SAMHD1: variants seen among roughly 807,000 people sequenced by gnomAD.
SAMHD1 encodes SAM and HD domain containing deoxynucleoside triphosphate triphosphohydrolase 1.
SAMHD1 carries 54 observed loss-of-function variants against 79.6 expected under a neutral mutation model. The ratio of observed to expected loss-of-function variants is 0.68; its 90% confidence interval spans 0.55 to 0.85. SAMHD1 has a LOEUF of 0.85. SAMHD1 is among the 40% of genes least tolerant of loss of function. The pLI, the probability that SAMHD1 is intolerant of heterozygous loss-of-function variation, is 0.00. For synonymous variants in SAMHD1, 260 were observed against 264.1 expected (o/e 0.98, Z 0.15); for missense variants, 663 against 782.7 (o/e 0.85, Z 1.82).
chr20:36,898,710 G>A (rs1379625026), intron 13 of SAMHD1, among the ~76,000 whole-genome samples, 166 bp from the exon 14 acceptor site: 3 of 151,876 alleles, frequency 2.0e-5, no homozygotes, highest in African/African-American at 7.3e-5. Flanking sequence ...TCAGGAGTTC[G>A]AGACCAGCCT....
At chr20:36,921,689 A>G (rs7271200) in intron 6 of SAMHD1, among the ~76,000 whole-genome samples, 10,566 of 149,310 alleles carry the variant, frequency 0.071, 434 homozygotes, top group South Asian at 0.087. Flanking sequence ...ACACCCAGCT[A>G]ATTTTTTGTG....
At position 36,890,774 on chromosome 20, in the gene SAMHD1, GC is replaced by G. The variant is rs1291527213; in HGVS notation, c.*2157del. 1 of 152,128 alleles carries G rather than the reference GC, an allele frequency of 6.6e-6. No individual in the cohort carries two copies. Among genetic ancestry groups the G allele is most frequent in the Admixed American group, 6.6e-5 (1 of 15,260 alleles). The allele number at this position is 152,128 out of a possible 1,614,324, so 9.4% of individuals were successfully genotyped here. On this transcript the variant is annotated 3_prime_UTR_variant, in exon 16 of 16. Transcript: ENST00000646673. ...ATTACAGGCATGACCACCTCGCCTG[GC>G]CAAGAAAAATGTAACCTTGTAAATA...
chr20:36,934,259 C>T (rs920239366), intron 4 of SAMHD1, among the ~76,000 whole-genome samples: 44 of 151,696 alleles, frequency 2.9e-4, no homozygotes, highest in Non-Finnish European at 4.4e-5. Context: ...GGCACAGTGG[C>T]TCATACCTGT....
At chr20:36,947,308 G>GA in intron 1 of SAMHD1, among the ~76,000 whole-genome samples, 1 of 128,116 alleles carries the variant, frequency 7.8e-6, no homozygotes, top group East Asian at 2.5e-4. Flanking sequence ...TGATTTGGAA[G>GA]AGGTGTGTGT....
At chr20:36,944,616 C>G (rs948059356) in intron 2 of SAMHD1, among the ~76,000 whole-genome samples, 2 of 152,148 alleles carry the variant, frequency 1.3e-5, no homozygotes, top group African/African-American at 2.4e-5. Context: ...TATTTAAGGC[C>G]GGTCGCAGTG....
At chr20:36,904,642 G>T in intron 12 of SAMHD1, 1 of 276,748 alleles carries the variant, frequency 3.6e-6, no homozygotes, top group Non-Finnish European at 7.1e-6. Flanking sequence ...GCTTGAATCC[G>T]GGAGGTGGAG....
chr20:36,931,681 A>T (rs187832194), intron 4 of SAMHD1, among the ~76,000 whole-genome samples: 40 of 152,182 alleles, frequency 2.6e-4, no homozygotes, highest in Admixed American at 2.5e-3. Flanking sequence ...ATTTGTACAG[A>T]CATGTTCATA....
rs747354843 is a variant in SAMHD1, at chr20:36,912,999, C to CTT, written c.1063-449_1063-448dup. On this transcript the variant is annotated intron_variant, in intron 9 of 15. Transcript: ENST00000646673. ...TTCATTCTTTTTCTTTTCTTTCTTC[C>CTT]TTTTTTTTTTTTTTTGAGATGGAGT... is the stretch of plus-strand genomic sequence containing the variant. 2.3e-3 allele frequency among the ~76,000 whole-genome samples: 241 copies of CTT among 106,316 alleles called. 6 individuals carry two copies. The highest frequency in any genetic ancestry group is 8.3e-3 in the African/African-American group (218 of 26,372). 69.7% of individuals were successfully genotyped at this position (106,316 alleles called of 152,430 possible).
At chr20:36,936,774 C>T (rs765045579) in intron 3 of SAMHD1, among the ~76,000 whole-genome samples, 11 of 151,648 alleles carry the variant, frequency 7.3e-5, no homozygotes, top group Non-Finnish European at 1.5e-4. Flanking sequence ...CAAGTTCAAG[C>T]GATCCTCCCA....
intron 3 of SAMHD1, among the ~76,000 whole-genome samples, chr20:36,935,732 A>G (rs756216417): frequency 1.4e-4 from 22 of 152,008 alleles, no homozygotes; most frequent in Non-Finnish European, 1.5e-4. Flanking sequence ...CACTATGCCC[A>G]GCTAATTTTT....
At chr20:36,938,671 C>T (rs927224125) in intron 3 of SAMHD1, among the ~76,000 whole-genome samples, 2 of 151,786 alleles carry the variant, frequency 1.3e-5, no homozygotes, top group Non-Finnish European at 2.9e-5. Flanking sequence ...CCCATCTCTA[C>T]TAAAAATACA....
Position 36,930,848 on chromosome 20 carries a change from A to T in SAMHD1, c.537T>A (p.Val179=), listed in dbSNP as rs749581263. 73 of 1,613,842 alleles carry T rather than the reference A, an allele frequency of 4.5e-5. No individual in the cohort carries two copies. Among genetic ancestry groups the T allele is most frequent in the Non-Finnish European group, 5.9e-5 (70 of 1,179,852 alleles). Residue 179 remains valine, a synonymous_variant, in exon 5 of 16, where the codon GTT becomes GTA. Transcript: ENST00000646673. ...CTGGTTGTTTTTCACCCAGTGCGTGAACTAGACATCCTGCTAGATACCCCA... is the reference window on the plus strand; with the variant it reads ...CTGGTTGTTTTTCACCCAGTGCGTGTACTAGACATCCTGCTAGATACCCCA... ...LGVGYLAGCL[V]HALGEKQPEL...
chr20:36,939,075 C>CAAAAAAAAAAA (rs1178988134), intron 3 of SAMHD1, among the ~76,000 whole-genome samples: 14 of 22,528 alleles, frequency 6.2e-4, no homozygotes, highest in African/African-American at 1.2e-3. Flanking sequence ...CTAAAAATAC[C>CAAAAAAAAAAA]AAAAAAAAAA....
intron 9 of SAMHD1, among the ~76,000 whole-genome samples, chr20:36,916,244 T>C (rs981569703): frequency 2.0e-5 from 3 of 152,176 alleles, no homozygotes; most frequent in African/African-American, 7.2e-5. Context: ...ATGCCTTCTC[T>C]GTGCCTTAAT....
chr20:36,922,682 AAACT>A (rs1390460701), intron 6 of SAMHD1, among the ~76,000 whole-genome samples: 4 of 151,894 alleles, frequency 2.6e-5, no homozygotes, highest in African/African-American at 9.7e-5. Flanking sequence ...TCCAGTCTAA[AAACT>A]AACTTTCTTT....
intron 6 of SAMHD1, among the ~76,000 whole-genome samples, chr20:36,919,964 C>G (rs2063495649): frequency 6.6e-6 from 1 of 152,114 alleles, no homozygotes; most frequent in Admixed American, 6.6e-5. Context: ...CCCTTGAAAT[C>G]TCCAATTGGC....
Position 36,930,810 on chromosome 20 carries a change from C to G in SAMHD1, c.575G>C (p.Ser192Thr). Residue 192 changes from serine (S) to threonine (T), a missense_variant, in exon 5 of 16, where the codon AGT (serine) becomes ACT (threonine). By Grantham distance (58) the Ser-to-Thr change is moderately conservative. Coordinates refer to ENST00000646673, the MANE Select transcript of SAMHD1 (RefSeq NM_015474.4). ...CTGAACACAGAGAACATCTCGTTCA[C>G]TTATCTGCAGCTCTGGTTGTTTTTC... ...LGEKQPELQI[S>T]ERDVLCVQIA... 6.2e-7 allele frequency: 1 copy of G among 1,614,042 alleles called. No individual in the cohort carries two copies. The highest frequency in any genetic ancestry group is 1.1e-5 in the South Asian group (1 of 91,078).
intron 1 of SAMHD1, among the ~76,000 whole-genome samples, chr20:36,947,822 T>G (rs1405394613): frequency 6.6e-6 from 1 of 151,840 alleles, no homozygotes; most frequent in African/African-American, 2.4e-5. Flanking sequence ...CATGTGCCAC[T>G]GCACCTAGCT....
At chr20:36,908,956 ATTTATT>A (rs1279379305) in intron 11 of SAMHD1, among the ~76,000 whole-genome samples, 1 of 151,540 alleles carries the variant, frequency 6.6e-6, no homozygotes. Flanking sequence ...TTATTTATTT[ATTTATT>A]TTTATTTATT....
Sources: allele counts gnomAD v4.1 joint callset (sites outside exome capture counted in the v4.1 genomes callset), GRCh38; gene constraint gnomAD v4.1.1; transcripts MANE v1.5; gene names NCBI Gene and HGNC (gene_info 2026-07-23, HGNC 2026-07-21).